The following ABTB3 variants were observed in gnomAD, a reference collection of about 807,000 sequenced individuals.
ABTB3 encodes the protein ankyrin repeat and BTB domain containing 3, also known as ankyrin repeat- and BTB/POZ domain-containing protein 3.
the ABTB3 span, among the ~76,000 whole-genome samples, chr12:107,356,241 G>A: frequency 1.3e-5 from 2 of 152,184 alleles, no homozygotes; most frequent in Non-Finnish European, 2.9e-5. Context: ...ATTCATCTTA[G>A]TATCCTTACC....
the ABTB3 span, among the ~76,000 whole-genome samples, chr12:107,494,585 G>C: frequency 6.6e-6 from 1 of 152,176 alleles, no homozygotes; most frequent in Non-Finnish European, 1.5e-5. Flanking sequence ...GAGCCAAAAG[G>C]TCACGGGAGT....
the ABTB3 span, among the ~76,000 whole-genome samples, chr12:107,372,279 C>T: frequency 8.5e-3 from 1,296 of 152,228 alleles, 21 homozygotes; most frequent in African/African-American, 0.029. Flanking sequence ...AACTCCTTCC[C>T]CAGTGACACA....
the ABTB3 span, among the ~76,000 whole-genome samples, chr12:107,332,698 C>A: frequency 6.6e-6 from 1 of 152,116 alleles, no homozygotes; most frequent in African/African-American, 2.4e-5. Flanking sequence ...GGGGTTGAAC[C>A]CAGGCCATCC....
the ABTB3 span, among the ~76,000 whole-genome samples, chr12:107,358,074 C>G: frequency 2.0e-5 from 3 of 152,158 alleles, no homozygotes; most frequent in African/African-American, 7.2e-5. Context: ...CCAGACAGTA[C>G]TCTGGGGTCC....
chr12:107,469,564 C>T, the ABTB3 span, among the ~76,000 whole-genome samples: 6 of 152,236 alleles, frequency 3.9e-5, no homozygotes, highest in Admixed American at 6.5e-5. Flanking sequence ...GTGGAGAGGG[C>T]GAGGCATCAG....
the ABTB3 span, among the ~76,000 whole-genome samples, chr12:107,469,889 T>C: frequency 9.5e-6 from 1 of 104,764 alleles, no homozygotes; most frequent in African/African-American, 4.4e-5. Context: ...TTTCTTTCTT[T>C]CTTTCTTTCT....
At chr12:107,436,054 T>A in the ABTB3 span, among the ~76,000 whole-genome samples, 1 of 152,364 alleles carries the variant, frequency 6.6e-6, no homozygotes, top group East Asian at 1.9e-4. Flanking sequence ...TTGCTCTGCA[T>A]TTCCAGGGCA....
At chr12:107,630,941 GTTTTGT>G in the ABTB3 span, among the ~76,000 whole-genome samples, 4 of 152,196 alleles carry the variant, frequency 2.6e-5, no homozygotes, top group Non-Finnish European at 5.9e-5. Flanking sequence ...GTTCCTTAGG[GTTTTGT>G]TTTTGTTTTT....
chr12:107,414,716 C>CTTTTTTTTTTTT, the ABTB3 span, among the ~76,000 whole-genome samples: 23 of 144,724 alleles, frequency 1.6e-4, 1 homozygote, highest in Non-Finnish European at 7.5e-5. Context: ...CTTTTCTTTT[C>CTTTTTTTTTTTT]TTTTTCTTTT....
the ABTB3 span, among the ~76,000 whole-genome samples, chr12:107,651,419 C>T: frequency 7.9e-5 from 12 of 152,120 alleles, no homozygotes; most frequent in Non-Finnish European, 1.6e-4. Context: ...TTGGGTTGAC[C>T]GCCTGCTGTG....
At chr12:107,538,973 G>C in the ABTB3 span, among the ~76,000 whole-genome samples, 27 of 152,162 alleles carry the variant, frequency 1.8e-4, 1 homozygote, top group Non-Finnish European at 1.6e-4. Context: ...CTGTGTCATA[G>C]TGACAAAGAA....
At chr12:107,493,422 C>A in the ABTB3 span, among the ~76,000 whole-genome samples, 2 of 152,176 alleles carry the variant, frequency 1.3e-5, no homozygotes, top group African/African-American at 4.8e-5. Context: ...GTTTTCCCAG[C>A]AAACGGAGCT....
At chr12:107,435,251 C>T in the ABTB3 span, among the ~76,000 whole-genome samples, 126 of 152,330 alleles carry the variant, frequency 8.3e-4, no homozygotes, top group African/African-American at 2.6e-3. Flanking sequence ...TTGCAGCTTA[C>T]GCTGACACTG....
chr12:107,353,438 G>A, the ABTB3 span, among the ~76,000 whole-genome samples: 2 of 152,190 alleles, frequency 1.3e-5, no homozygotes, highest in African/African-American at 4.8e-5. Context: ...GGATCAGACA[G>A]AACTGGGTTC....
At chr12:107,610,238 C>G in the ABTB3 span, 3 of 1,614,180 alleles carry the variant, frequency 1.9e-6, no homozygotes, top group African/African-American at 1.3e-5. Flanking sequence ...CGGTGGCCAT[C>G]GAAGCCAAGT....
the ABTB3 span, among the ~76,000 whole-genome samples, chr12:107,380,134 A>T: frequency 6.6e-6 from 1 of 152,212 alleles, no homozygotes; most frequent in African/African-American, 2.4e-5. Flanking sequence ...CAGCACCAGC[A>T]AACGTGTTCT....
chr12:107,651,822 G>C, the ABTB3 span: 2 of 1,567,654 alleles, frequency 1.3e-6, no homozygotes, highest in South Asian at 2.2e-5. Context: ...TGCGCACACA[G>C]GAGCGCTGAA....
At chr12:107,357,688 A>G in the ABTB3 span, among the ~76,000 whole-genome samples, 1 of 152,242 alleles carries the variant, frequency 6.6e-6, no homozygotes, top group Non-Finnish European at 1.5e-5. Flanking sequence ...GTTATATTTT[A>G]CTGGGGCTAA....
the ABTB3 span, among the ~76,000 whole-genome samples, chr12:107,411,508 T>C: frequency 5.3e-5 from 8 of 152,364 alleles, no homozygotes; most frequent in East Asian, 1.5e-3. Context: ...AGAATTAATG[T>C]GGGATATTCT....
Sources: gnomAD v4.1 joint callset for allele counts (sites outside exome capture counted in the v4.1 genomes callset) on GRCh38, gnomAD v4.1.1 for gene constraint, MANE v1.5 for transcripts, NCBI Gene and HGNC (gene_info 2026-07-23, HGNC 2026-07-21) for gene names.